SNPH: variants seen among roughly 807,000 people sequenced by gnomAD.
SNPH encodes the protein syntaphilin.
A neutral mutation model predicts 36.8 loss-of-function variants in SNPH; 10 were observed. The observed-to-expected ratio is 0.27, with a 90% confidence interval of 0.17 to 0.46. The LOEUF (loss-of-function observed/expected upper bound fraction) is 0.46, where lower values mean the gene tolerates loss of function less well. Ranked by LOEUF, SNPH falls within the 20% of genes least tolerant of loss-of-function variation. The pLI is 1.00. For missense variants in SNPH, 622 were observed against 744.0 expected (o/e 0.84, Z 1.91); for synonymous variants, 281 against 312.2 (o/e 0.90, Z 1.05).
intron 2 of SNPH, among the ~76,000 whole-genome samples, chr20:1,269,679 G>C (rs1012431610): frequency 2.0e-5 from 3 of 152,168 alleles, no homozygotes; most frequent in African/African-American, 4.8e-5. Context: ...TGTGAACCAG[G>C]AATGGAGAGT....
chr20:1,299,101 A>T (rs1361218728), intron 5 of SNPH, among the ~76,000 whole-genome samples: 1 of 152,070 alleles, frequency 6.6e-6, no homozygotes, highest in Admixed American at 6.6e-5. Flanking sequence ...CCTAGGGGCC[A>T]TGACGTGAGT....
Position 1,269,707 on chromosome 20 carries a change from C to A in SNPH, c.-493+2947C>A, listed in dbSNP as rs557596313. On this transcript the variant is annotated intron_variant, in intron 2 of 6. Coordinates refer to ENST00000381867, the MANE Select transcript of SNPH (RefSeq NM_001318234.2). ...TGGAGAGTTTTCCTTTCACCGTGAGCCCTGCTTTGCTGATGTTTGGTGGAT... is the reference window on the plus strand; with the variant it reads ...TGGAGAGTTTTCCTTTCACCGTGAGACCTGCTTTGCTGATGTTTGGTGGAT... 1.4e-4 allele frequency among the ~76,000 whole-genome samples: 21 copies of A among 152,262 alleles called. No individual in the cohort carries two copies. In the South Asian group the frequency reaches 3.9e-3, roughly 29 times the overall value.
chr20:1,290,211 C>A (rs372928054), intron 2 of SNPH, among the ~76,000 whole-genome samples: 127 of 145,086 alleles, frequency 8.8e-4, no homozygotes, highest in South Asian at 1.3e-3. Context: ...GACTCTGTCT[C>A]AAAAAAAAAA....
chr20:1,277,710 CTG>C (rs1304525547), intron 2 of SNPH, among the ~76,000 whole-genome samples: 2 of 111,264 alleles, frequency 1.8e-5, no homozygotes, highest in African/African-American at 3.6e-5. Context: ...CTGTCTGTGC[CTG>C]TGTGTCTGTG....
chr20:1,269,727 G>C (rs571305003), intron 2 of SNPH, among the ~76,000 whole-genome samples: 2 of 152,322 alleles, frequency 1.3e-5, no homozygotes, highest in South Asian at 2.1e-4. Context: ...CTGATGTTTG[G>C]TGGATGCCCC....
At chr20:1,269,702 G>A (rs1367036270) in intron 2 of SNPH, among the ~76,000 whole-genome samples, 5 of 152,138 alleles carry the variant, frequency 3.3e-5, no homozygotes, top group African/African-American at 7.2e-5. Flanking sequence ...TCCTTTCACC[G>A]TGAGCCCTGC....
rs1159613532 is a variant in SNPH, at chr20:1,305,836, C to T, written c.1399C>T (p.Arg467Cys). The T allele has an allele frequency of 5.7e-6, 9 of 1,591,950 alleles. No homozygotes were observed. Among genetic ancestry groups the T allele is most frequent in the South Asian group, 2.3e-5 (2 of 88,030 alleles). Residue 467 changes from arginine to cysteine, a missense_variant, in exon 7 of 7, where the codon CGC becomes TGC. Physicochemically the swap from Arg to Cys is radical, Grantham distance 180 (BLOSUM62 -3). This residue lies in a region of SNPH where 379 missense variants were observed against 427.9 expected (regional missense o/e 0.89). Transcript: ENST00000381867. ...AEKEPKSYWS[R>C]HYIVDLLAVV... ...GAAGGAGCCCAAGAGCTACTGGAGC[C>T]GCCACTACATCGTGGATCTGCTGGC...
chr20:1,293,003 A>G (rs975872746), intron 2 of SNPH, among the ~76,000 whole-genome samples: 8 of 152,172 alleles, frequency 5.3e-5, no homozygotes, highest in African/African-American at 1.9e-4. Flanking sequence ...TTATTGTGTG[A>G]TAGGCACTGA....
At position 1,309,314 on chromosome 20, in the gene SNPH, T is replaced by C. The variant is rs2088623755; in HGVS notation, c.*3260T>C. ...CAGCAGACAACTCTGAATTAAAGCATGAAAACACAGCAAGCCCCTTGGCCT... is the reference window on the plus strand; with the variant it reads ...CAGCAGACAACTCTGAATTAAAGCACGAAAACACAGCAAGCCCCTTGGCCT... On this transcript the variant is annotated 3_prime_UTR_variant, in exon 7 of 7. Transcript: ENST00000381867. 2 of 152,582 alleles carry C rather than the reference T, an allele frequency of 1.3e-5. No individual in the cohort carries two copies. The highest frequency in any genetic ancestry group is 3.9e-4 in the East Asian group (2 of 5,180). 9.5% of individuals were successfully genotyped at this position (152,582 alleles called of 1,614,324 possible).
At chr20:1,273,484 A>G (rs1409808089) in intron 2 of SNPH, among the ~76,000 whole-genome samples, 2 of 152,232 alleles carry the variant, frequency 1.3e-5, no homozygotes, top group Admixed American at 6.5e-5. Flanking sequence ...TGCTGTACAC[A>G]CAGGCACCAA....
chr20:1,306,121 C>G lies in SNPH; in HGVS notation c.*67C>G. 1 of 1,242,430 alleles carries G rather than the reference C, an allele frequency of 8.0e-7. No homozygotes were observed. 77.0% of individuals were successfully genotyped at this position (1,242,430 alleles called of 1,614,324 possible). On this transcript the variant is annotated 3_prime_UTR_variant, in exon 7 of 7. Transcript: ENST00000381867. The stretch of plus-strand genomic sequence containing the variant: ...ATTGTAGGGATGCCGTTCCCCCCTC[C>G]CTTCTCCCATGGGCATCATCTTATT...
At chr20:1,277,527 G>A (rs956872636) in intron 2 of SNPH, among the ~76,000 whole-genome samples, 1 of 141,912 alleles carries the variant, frequency 7.0e-6, no homozygotes, top group Non-Finnish European at 1.5e-5. Context: ...CTGTGTGTCT[G>A]TCTGTGCATG....
chr20:1,290,211 C>CAAAAA (rs35048205), intron 2 of SNPH, among the ~76,000 whole-genome samples: 127 of 145,094 alleles, frequency 8.8e-4, no homozygotes, highest in South Asian at 2.0e-3. Flanking sequence ...GACTCTGTCT[C>CAAAAA]AAAAAAAAAA....
At chr20:1,277,473 GTC>G (rs1360989817) in intron 2 of SNPH, among the ~76,000 whole-genome samples, 6 of 144,000 alleles carry the variant, frequency 4.2e-5, no homozygotes, top group Non-Finnish European at 7.8e-5. Flanking sequence ...CTGTGTGTGT[GTC>G]TGTCTGTGCC....
chr20:1,293,362 CT>C (rs1346009306), intron 2 of SNPH, among the ~76,000 whole-genome samples: 1 of 152,058 alleles, frequency 6.6e-6, no homozygotes, highest in Non-Finnish European at 1.5e-5. Flanking sequence ...GCTGGGTTTA[CT>C]CTGGGGTTAA....
At chr20:1,300,839 C>T (rs1045002924) in intron 6 of SNPH, 128 bp downstream of exon 6, 8 of 955,426 alleles carry the variant, frequency 8.4e-6, no homozygotes, top group Non-Finnish European at 1.2e-5. Context: ...CTGCTCTCTC[C>T]TTCCCAGCAA....
chr20:1,300,371 A>G (rs2088490660), intron 5 of SNPH, among the ~76,000 whole-genome samples, 191 bp from the exon 6 acceptor site: 1 of 152,164 alleles, frequency 6.6e-6, no homozygotes, highest in African/African-American at 2.4e-5. Context: ...GATGGTCTTC[A>G]CTTAGAGGAA....
chr20:1,273,442 A>G (rs182593632), intron 2 of SNPH, among the ~76,000 whole-genome samples: 1 of 152,352 alleles, frequency 6.6e-6, no homozygotes, highest in Admixed American at 6.5e-5. Flanking sequence ...AGTATTTACA[A>G]CCATTCATTC....
intron 2 of SNPH, among the ~76,000 whole-genome samples, chr20:1,281,006 G>A (rs963426782): frequency 1.3e-5 from 2 of 152,152 alleles, no homozygotes; most frequent in African/African-American, 4.8e-5. Flanking sequence ...GGGTGGAGTG[G>A]GGGGTGTGTT....
Sources: gnomAD v4.1 joint callset for allele counts (sites outside exome capture counted in the v4.1 genomes callset) on GRCh38, gnomAD v4.1.1 for gene constraint, gnomAD v4.1.1 regional missense constraint, MANE v1.5 for transcripts, NCBI Gene and HGNC (gene_info 2026-07-23, HGNC 2026-07-21) for gene names.